LEP: variants seen among roughly 807,000 people sequenced by gnomAD.
The protein encoded by LEP is leptin, also known as leptin (murine obesity homolog).
In LEP, 6 loss-of-function variants were observed where a neutral mutation model predicts 9.8. That is an observed-to-expected ratio of 0.61 (90% CI 0.34 to 1.21). LEP has a LOEUF of 1.21. Ranked by LOEUF, LEP falls within the 50% of genes most tolerant of loss-of-function variation. LEP has a pLI of 0.04. For synonymous variants in LEP, 112 were observed against 81.7 expected, an observed-to-expected ratio of 1.37 and a Z score of -2.00; for missense variants, 134 against 198.1, an observed-to-expected ratio of 0.68 and a Z score of 1.94.
chr7:128,244,870 A>G (rs1562930171), intron 1 of LEP, among the ~76,000 whole-genome samples: 1 of 152,038 alleles, frequency 6.6e-6, no homozygotes, highest in Non-Finnish European at 1.5e-5. Flanking sequence ...CTGCAGCCCC[A>G]CTCTAAATTC....
At position 128,251,814 on chromosome 7, in the gene LEP, A is replaced by G. The variant is rs369666776; in HGVS notation, c.-28-177A>G. The stretch of plus-strand genomic sequence containing the variant: ...AGACAATAATCCTCTTTCTAAGGGG[A>G]TGCATTTCATTAATACATATGTAGA... On this transcript the variant is annotated intron_variant, in intron 1 of 2. Transcript: ENST00000308868. Among the ~76,000 whole-genome samples, 3 of 152,306 alleles carry G rather than the reference A, an allele frequency of 2.0e-5. No individual in the cohort carries two copies. The East Asian group carries it at 5.8e-4, about 29-fold the overall frequency.
At chr7:128,249,005 T>G (rs543449625) in intron 1 of LEP, among the ~76,000 whole-genome samples, 35 of 152,228 alleles carry the variant, frequency 2.3e-4, no homozygotes, top group Non-Finnish European at 4.1e-4. Flanking sequence ...AAACGGCAGT[T>G]ACTTTCGCAC....
intron 1 of LEP, among the ~76,000 whole-genome samples, chr7:128,247,310 G>A (rs1464466076): frequency 6.6e-6 from 1 of 152,022 alleles, no homozygotes; most frequent in African/African-American, 2.4e-5. Context: ...GCGGCAGCTG[G>A]GCAGGCTCAC....
Position 128,254,626 on chromosome 7 carries a change from A to G in LEP, c.367A>G (p.Ser123Gly), listed in dbSNP as rs200202828. 27 of 1,614,030 alleles carry G rather than the reference A, an allele frequency of 1.7e-5. No individual in the cohort carries two copies. In the Middle Eastern group the frequency reaches 4.9e-4, roughly 29 times the overall value. ...TAAGAGCTGCCACTTGCCCTGGGCC[A>G]GTGGCCTGGAGACCTTGGACAGCCT... ...FSKSCHLPWA[S>G]GLETLDSLGG... Residue 123 changes from serine to glycine, a missense_variant, in exon 3 of 3, where the codon AGT becomes GGT. Physicochemically the swap from Ser to Gly is moderately conservative, Grantham distance 56. Coordinates refer to ENST00000308868, the MANE Select transcript of LEP (RefSeq NM_000230.3).
intron 1 of LEP, among the ~76,000 whole-genome samples, chr7:128,245,444 A>G (rs1291868799): frequency 6.6e-6 from 1 of 152,218 alleles, no homozygotes; most frequent in African/African-American, 2.4e-5. Flanking sequence ...AGCAACTTGG[A>G]GAACGAAGAT....
At chr7:128,243,159 C>T (rs1795171482) in intron 1 of LEP, among the ~76,000 whole-genome samples, 1 of 152,210 alleles carries the variant, frequency 6.6e-6, no homozygotes, top group Non-Finnish European at 1.5e-5. Flanking sequence ...TGTCTGGGCC[C>T]ACAGACTCCT....
chr7:128,246,436 A>G (rs1386583780), intron 1 of LEP, among the ~76,000 whole-genome samples: 1 of 151,948 alleles, frequency 6.6e-6, no homozygotes, highest in Non-Finnish European at 1.5e-5. Flanking sequence ...CTGTTTACTG[A>G]GATTGTTTCA....
intron 1 of LEP, among the ~76,000 whole-genome samples, chr7:128,245,129 G>A (rs141256175): frequency 3.0e-4 from 45 of 152,204 alleles, no homozygotes; most frequent in Admixed American, 1.1e-3. Context: ...ACTTAAGCCC[G>A]CAAAATTTTA....
chr7:128,255,639 ATG>A lies in LEP; in HGVS notation c.*880_*881del, dbSNP rs2116230918. 6.6e-6 allele frequency: 1 copy of A among 152,336 alleles called. No individual in the cohort carries two copies. The highest frequency in any genetic ancestry group is 2.1e-4 in the South Asian group (1 of 4,822). The allele number at this position is 152,336 out of a possible 1,614,324, so 9.4% of individuals were successfully genotyped here. On this transcript the variant is annotated 3_prime_UTR_variant, in exon 3 of 3. Coordinates refer to ENST00000308868, the MANE Select transcript of LEP (RefSeq NM_000230.3). ...TGGGCAGAAGGGAGAAGGATCTAGA[ATG>A]TGTTTTCTGAATAACATTTGTGTGG...
intron 1 of LEP, among the ~76,000 whole-genome samples, chr7:128,246,309 G>T (rs1795210514): frequency 6.6e-6 from 1 of 152,090 alleles, no homozygotes; most frequent in Admixed American, 6.5e-5. Context: ...TGAGGATGGG[G>T]GTGGGGTCCA....
chr7:128,243,178 A>T (rs891122909), intron 1 of LEP, among the ~76,000 whole-genome samples: 1 of 152,194 alleles, frequency 6.6e-6, no homozygotes. Flanking sequence ...CTTTGCACTT[A>T]TTCCACGTGT....
chr7:128,243,040 C>T (rs963846357), intron 1 of LEP, among the ~76,000 whole-genome samples: 1 of 152,202 alleles, frequency 6.6e-6, no homozygotes, highest in Non-Finnish European at 1.5e-5. Flanking sequence ...GTCTGGCAGC[C>T]GCAGCTCCAT....
At chr7:128,253,919 G>A (rs1433311603) in intron 2 of LEP, among the ~76,000 whole-genome samples, 1 of 152,126 alleles carries the variant, frequency 6.6e-6, no homozygotes, top group Non-Finnish European at 1.5e-5. Flanking sequence ...CGGAACTGGA[G>A]TCACTGGAGC....
At chr7:128,243,184 C>T (rs1217938914) in intron 1 of LEP, among the ~76,000 whole-genome samples, 2 of 152,226 alleles carry the variant, frequency 1.3e-5, no homozygotes, top group Admixed American at 6.5e-5. Flanking sequence ...ACTTATTCCA[C>T]GTGTGACAGC....
intron 2 of LEP, among the ~76,000 whole-genome samples, chr7:128,252,722 C>T (rs897679182): frequency 6.7e-6 from 1 of 149,614 alleles, no homozygotes; most frequent in South Asian, 2.1e-4. Flanking sequence ...CAGAGTGAGA[C>T]CTTGTCTCAA....
chr7:128,254,217 G>A (rs544124121), intron 2 of LEP, among the ~76,000 whole-genome samples, 187 bp from the exon 3 acceptor site: 29 of 152,288 alleles, frequency 1.9e-4, no homozygotes, highest in Non-Finnish European at 3.5e-4. Context: ...CAGGAATCTC[G>A]GAGACCAGCT....
chr7:128,249,243 G>A (rs1795247552), intron 1 of LEP, among the ~76,000 whole-genome samples: 1 of 152,206 alleles, frequency 6.6e-6, no homozygotes, highest in Non-Finnish European at 1.5e-5. Flanking sequence ...CAAAAGAACA[G>A]TGCCTTTTAA....
intron 2 of LEP, among the ~76,000 whole-genome samples, chr7:128,254,144 T>C (rs976562622): frequency 1.3e-5 from 2 of 151,638 alleles, no homozygotes; most frequent in Non-Finnish European, 2.9e-5. Flanking sequence ...AGAGGCCATG[T>C]AGAGAAAGGA....
chr7:128,247,399 G>A (rs1393806562), intron 1 of LEP, among the ~76,000 whole-genome samples: 1 of 152,168 alleles, frequency 6.6e-6, no homozygotes, highest in African/African-American at 2.4e-5. Flanking sequence ...GTCTCTCCTA[G>A]TTTCCATCTC....
Sources: gnomAD v4.1 joint callset for allele counts (sites outside exome capture counted in the v4.1 genomes callset) on GRCh38, gnomAD v4.1.1 for gene constraint, MANE v1.5 for transcripts, NCBI Gene and HGNC (gene_info 2026-07-23, HGNC 2026-07-21) for gene names.